The following SETD7 variants were observed in gnomAD, a reference collection of about 807,000 sequenced individuals.
The protein encoded by SETD7 is histone-lysine N-methyltransferase SETD7.
Under a neutral mutation model 41.8 loss-of-function variants are expected in SETD7, and 16 were observed. The ratio of observed to expected loss-of-function variants is 0.38; its 90% confidence interval spans 0.26 to 0.58. SETD7 has a LOEUF of 0.58. SETD7 is among the 20% of genes least tolerant of loss of function. SETD7 has a pLI of 0.64. For synonymous variants in SETD7, 163 were observed against 169.7 expected (o/e 0.96, Z 0.31); for missense variants, 346 against 459.7 (o/e 0.75, Z 2.26).
At chr4:139,492,979 A>C (rs1726380262), downstream of SETD7, among the ~76,000 whole-genome samples, 1 of 152,208 alleles carries the variant, frequency 6.6e-6, no homozygotes, top group African/African-American at 2.4e-5. Flanking sequence ...GGAGATTCAT[A>C]GGGAAAGTTC....
chr4:139,529,621 T>A (rs1727426861), intron 3 of SETD7, among the ~76,000 whole-genome samples: 6 of 152,216 alleles, frequency 3.9e-5, no homozygotes, highest in Admixed American at 3.9e-4. Context: ...AAATCAAATA[T>A]GATGACGATC....
intron 5 of SETD7, among the ~76,000 whole-genome samples, chr4:139,522,741 CTTTTTTTTTTTTTTT>C (rs11357611): frequency 2.1e-5 from 2 of 93,450 alleles, no homozygotes; most frequent in Admixed American, 1.4e-4. Flanking sequence ...CCCAGCTGCT[CTTTTTTTTTTTTTTT>C]TTTTTTTTTT....
rs140749328 is a variant in SETD7, at chr4:139,542,481, TA to T, written c.170+4438del. On this transcript the variant is annotated intron_variant, in intron 2 of 7. Coordinates refer to ENST00000274031, the MANE Select transcript of SETD7 (RefSeq NM_030648.4). ...CTGATTGATCATTACACAATGTGTT[TA>T]TGTATCAAAATCACACTTTACCCCA... is the stretch of plus-strand genomic sequence containing the variant. 6.8e-3 allele frequency among the ~76,000 whole-genome samples: 1,035 copies of T among 152,318 alleles called. 19 individuals carry two copies. The highest frequency in any genetic ancestry group is 0.024 in the African/African-American group (988 of 41,560).
intron 2 of SETD7, among the ~76,000 whole-genome samples, chr4:139,542,656 G>T (rs1035887558): frequency 6.6e-6 from 1 of 151,888 alleles, no homozygotes; most frequent in Non-Finnish European, 1.5e-5. Context: ...AAAAAAGCGG[G>T]GGGGAGCACT....
At chr4:139,551,806 C>T (rs1336400672) in intron 1 of SETD7, among the ~76,000 whole-genome samples, 1 of 151,924 alleles carries the variant, frequency 6.6e-6, no homozygotes, top group East Asian at 1.9e-4. Context: ...CTCTTGAGCC[C>T]AGGAGACCAG....
At chr4:139,522,741 C>CTTTTTTTTTTT (rs11357611) in intron 5 of SETD7, among the ~76,000 whole-genome samples, 3 of 93,450 alleles carry the variant, frequency 3.2e-5, no homozygotes, top group Admixed American at 1.4e-4. Flanking sequence ...CCCAGCTGCT[C>CTTTTTTTTTTT]TTTTTTTTTT....
rs1227748436 is a variant in SETD7 at position 139,518,011 on chromosome 4, T to C, written c.794A>G (p.Asn265Ser). 6.2e-7 allele frequency: 1 copy of C among 1,613,816 alleles called. No individual in the cohort carries two copies. The highest frequency in any genetic ancestry group is 8.5e-7 in the Non-Finnish European group (1 of 1,179,906). The change falls in exon 7 of 8, where the codon AAC becomes AGC. Residue 265 changes from asparagine to serine, a missense_variant. This residue lies in a region of SETD7 where 266 missense variants were observed against 377.0 expected (regional missense o/e 0.71). Transcript: ENST00000274031. ...VDSRDWALNG[N>S]TLSLDEETVI... ...CGTTTCTTCATCAAGGGAGAGGGTG[T>C]TCCCATTAAGGGCCCAGTCCCTGCT... is the stretch of plus-strand genomic sequence containing the variant.
rs1304622601 is a variant in SETD7 at position 139,507,299 on chromosome 4, G to C, written c.*4364C>G. On this transcript the variant is annotated 3_prime_UTR_variant, in exon 8 of 8. Coordinates refer to ENST00000274031, the MANE Select transcript of SETD7 (RefSeq NM_030648.4). ...AGGCCTGCAGTGATATCACTAAAAG[G>C]TGAACACACCTCCATTAGCACCTAA... 1 of 152,606 alleles carries C rather than the reference G, an allele frequency of 6.6e-6. No individual in the cohort carries two copies. The highest frequency in any genetic ancestry group is 1.5e-5 in the Non-Finnish European group (1 of 68,038). The allele number at this position is 152,606 out of a possible 1,614,324, so 9.5% of individuals were successfully genotyped here. A position where few individuals can be genotyped will look rare whatever the true frequency, so the allele number is the denominator to read the frequency against.
At chr4:139,499,708 T>C (rs1396188915) in intron 7 of SETD7, among the ~76,000 whole-genome samples, 1 of 152,176 alleles carries the variant, frequency 6.6e-6, no homozygotes, top group Admixed American at 6.5e-5. Context: ...AAGGCAGATT[T>C]GAGAAATTTC....
chr4:139,540,759 T>C (rs79006770), intron 2 of SETD7, among the ~76,000 whole-genome samples: 3,614 of 152,262 alleles, frequency 0.024, 126 homozygotes, highest in African/African-American at 0.079. Context: ...GATGAATATA[T>C]TTGCTGGGTC....
intron 2 of SETD7, among the ~76,000 whole-genome samples, chr4:139,536,382 T>A (rs1222420345): frequency 2.0e-5 from 3 of 152,152 alleles, no homozygotes; most frequent in African/African-American, 4.8e-5. Context: ...GGACTAATAA[T>A]GAATACTCTG....
chr4:139,531,963 C>T (rs554771147), intron 3 of SETD7, among the ~76,000 whole-genome samples: 6 of 152,098 alleles, frequency 3.9e-5, no homozygotes, highest in Admixed American at 6.5e-5. Context: ...GCGTAGTGGC[C>T]TGTGCCTGCA....
At chr4:139,532,624 A>C (rs1727518661) in intron 3 of SETD7, 1 of 154,164 alleles carries the variant, frequency 6.5e-6, no homozygotes, top group Non-Finnish European at 1.4e-5. Flanking sequence ...AATATCATAA[A>C]ATGCTATCAA....
chr4:139,545,082 CT>C (rs1317318340), intron 2 of SETD7, among the ~76,000 whole-genome samples: 2 of 151,966 alleles, frequency 1.3e-5, no homozygotes, highest in Admixed American at 1.3e-4. Flanking sequence ...AAAAGTGACA[CT>C]TTTCAGAAAA....
intron 3 of SETD7, among the ~76,000 whole-genome samples, chr4:139,529,970 T>C (rs1295679516): frequency 1.3e-5 from 2 of 152,206 alleles, no homozygotes; most frequent in African/African-American, 2.4e-5. Flanking sequence ...GCTTCATGCT[T>C]AACTCTTCCA....
rs547107072 is a variant in SETD7 at position 139,545,752 on chromosome 4, C to A, written c.170+1168G>T. Among the ~76,000 whole-genome samples the A allele has an allele frequency of 3.3e-5, 5 of 152,266 alleles. No homozygotes were observed. In the East Asian group the frequency reaches 5.8e-4, roughly 18 times the overall value. On this transcript the variant is annotated intron_variant, in intron 2 of 7. Transcript: ENST00000274031. Reference sequence around the variant, plus strand: ...GGTCACATACCAGTCCCTGACATCACCCTTCAGTTGTCAGCTTAGACATTT... The same window carrying A: ...GGTCACATACCAGTCCCTGACATCAACCTTCAGTTGTCAGCTTAGACATTT...
chr4:139,536,124 C>T (rs1029065501), intron 2 of SETD7, among the ~76,000 whole-genome samples: 1 of 152,134 alleles, frequency 6.6e-6, no homozygotes, highest in Non-Finnish European at 1.5e-5. Context: ...CGTATGTGGC[C>T]CACGGAGCCT....
chr4:139,497,921 A>G (rs1252036304), intron 7 of SETD7, among the ~76,000 whole-genome samples: 1 of 152,208 alleles, frequency 6.6e-6, no homozygotes, highest in Non-Finnish European at 1.5e-5. Context: ...ACAGCATGTC[A>G]GAAACAGTAT....
Position 139,533,367 on chromosome 4 carries a change from C to T in SETD7, c.171-1G>A. ...ATCCACATAATACCCCTCCAGGGTG[C>T]TGTGAGGAAAGGAAAAACAAAAAGG... On this transcript the variant is annotated splice_acceptor_variant, in intron 2 of 7. Transcript: ENST00000274031. LOFTEE classifies it high-confidence loss of function. 1 of 1,612,474 alleles carries T rather than the reference C, an allele frequency of 6.2e-7. No homozygotes were observed.
Sources: allele counts gnomAD v4.1 joint callset (sites outside exome capture counted in the v4.1 genomes callset), GRCh38; gene constraint gnomAD v4.1.1; regional missense constraint gnomAD v4.1.1; transcripts MANE v1.5; gene names NCBI Gene and HGNC (gene_info 2026-07-23, HGNC 2026-07-21).